The following DECR1 variants were observed in gnomAD, a reference collection of about 807,000 sequenced individuals.
The protein encoded by DECR1 is 2,4-dienoyl-CoA reductase [(3E)-enoyl-CoA-producing], mitochondrial.
Under a neutral mutation model 38.8 loss-of-function variants are expected in DECR1, and 44 were observed. That is an observed-to-expected ratio of 1.13 (90% CI 0.89 to 1.46). The LOEUF is 1.46. Ranked by LOEUF, DECR1 falls within the 40% of genes most tolerant of loss-of-function variation. The pLI, the probability that DECR1 is intolerant of heterozygous loss-of-function variation, is 0.00. For synonymous variants in DECR1, 148 were observed against 135.2 expected (o/e 1.09, Z -0.66); for missense variants, 428 against 405.5 (o/e 1.06, Z -0.48).
chr8:90,011,740 G>A (rs1405155093), intron 1 of DECR1, among the ~76,000 whole-genome samples: 6 of 152,188 alleles, frequency 3.9e-5, no homozygotes, highest in Middle Eastern at 3.4e-3. Flanking sequence ...TCATCTTAAT[G>A]TATATCTTTG....
rs952873871 is a variant in DECR1 at position 90,051,958 on chromosome 8, T to G, written c.*61T>G. On this transcript the variant is annotated 3_prime_UTR_variant, in exon 10 of 10. Coordinates refer to ENST00000220764, the MANE Select transcript of DECR1 (RefSeq NM_001359.2). ...GAATAGAAATGAAACAAATTATCTCTCATCTTTTGACTATTTCAAGTCTAA... is the reference window on the plus strand; with the variant it reads ...GAATAGAAATGAAACAAATTATCTCGCATCTTTTGACTATTTCAAGTCTAA... The G allele has an allele frequency of 2.1e-6, 3 of 1,407,190 alleles. No individual in the cohort carries two copies. Among genetic ancestry groups the G allele is most frequent in the South Asian group, 1.2e-5 (1 of 84,454 alleles). 87.2% of individuals were successfully genotyped at this position (1,407,190 alleles called of 1,614,324 possible). A position where few individuals can be genotyped will look rare whatever the true frequency, so the allele number is the denominator to read the frequency against.
chr8:90,053,416 A>G lies in DECR1; in HGVS notation c.*1519A>G, dbSNP rs1259237277. ...TCAGATCTCGTGAGACTTATTCACT[A>G]TCACACTATTGTGTTGATATTGTGT... On this transcript the variant is annotated 3_prime_UTR_variant, in exon 10 of 10. Coordinates refer to ENST00000220764, the MANE Select transcript of DECR1 (RefSeq NM_001359.2). Among the ~76,000 whole-genome samples, 1 of 152,194 alleles carries G rather than the reference A, an allele frequency of 6.6e-6. No individual in the cohort carries two copies. Among genetic ancestry groups the G allele is most frequent in the Non-Finnish European group, 1.5e-5 (1 of 68,032 alleles).
At chr8:90,009,410 A>G (rs1812827561) in intron 1 of DECR1, among the ~76,000 whole-genome samples, 2 of 152,072 alleles carry the variant, frequency 1.3e-5, no homozygotes, top group Non-Finnish European at 2.9e-5. Flanking sequence ...CCCACACTAC[A>G]TATCAACTTT....
Position 90,020,975 on chromosome 8 carries a change from A to T in DECR1, c.484A>T (p.Lys162Ter). The change falls in exon 5 of 10, where the codon AAA becomes TAA. Residue 162 changes from lysine to a stop codon, truncating the protein, a stop_gained. Transcript: ENST00000220764. LOFTEE classifies it high-confidence loss of function. Reference protein sequence around the residue: ...PTERLSPNAWKTITDIVLNGT... With the variant: ...PTERLSPNAW The stretch of plus-strand genomic sequence containing the variant: ...TGAAAGACTTTCTCCTAATGCTTGG[A>T]AAACCATAACTGACATAGTTCTAAA... The T allele has an allele frequency of 6.3e-7, 1 of 1,596,590 alleles. No homozygotes were observed. Among genetic ancestry groups the T allele is most frequent in the Non-Finnish European group, 8.5e-7 (1 of 1,173,220 alleles).
chr8:90,045,913 G>A (rs1461173003), intron 8 of DECR1, among the ~76,000 whole-genome samples: 1 of 152,200 alleles, frequency 6.6e-6, no homozygotes, highest in African/African-American at 2.4e-5. Context: ...GTGATACCCA[G>A]GCAAACAGTG....
chr8:90,036,488 T>C (rs1369295486), intron 5 of DECR1, among the ~76,000 whole-genome samples: 1 of 152,204 alleles, frequency 6.6e-6, no homozygotes, highest in East Asian at 1.9e-4. Context: ...AGTTTAAGTT[T>C]AATTCTGATT....
At chr8:90,009,969 T>C (rs905259139) in intron 1 of DECR1, among the ~76,000 whole-genome samples, 1 of 152,246 alleles carries the variant, frequency 6.6e-6, no homozygotes, top group Non-Finnish European at 1.5e-5. Context: ...TGTTCACTGA[T>C]ACAAAATGTA....
At chr8:90,003,882 T>C (rs1304079334) in intron 1 of DECR1, among the ~76,000 whole-genome samples, 1 of 151,806 alleles carries the variant, frequency 6.6e-6, no homozygotes, top group African/African-American at 2.4e-5. Context: ...GAGGTTGCAG[T>C]GAGCTGAGGT....
At chr8:90,038,291 T>C (rs996954475) in intron 6 of DECR1, among the ~76,000 whole-genome samples, 2 of 152,166 alleles carry the variant, frequency 1.3e-5, no homozygotes, top group Non-Finnish European at 2.9e-5. Flanking sequence ...TGTGATGTTT[T>C]GCTTACTTCC....
At chr8:90,046,855 T>C (rs2189618) in intron 8 of DECR1, among the ~76,000 whole-genome samples, 77,452 of 152,086 alleles carry the variant, frequency 0.51, 22,062 homozygotes, top group African/African-American at 0.77. Context: ...AAACTACAAG[T>C]CAGAAGAAAG....
rs1813033872 is a variant in DECR1, at chr8:90,017,335, C to T, written c.272+9C>T. On this transcript the variant is annotated intron_variant, in intron 2 of 9. Coordinates refer to ENST00000220764, the MANE Select transcript of DECR1 (RefSeq NM_001359.2). ...TGCGTGATAGCCAGCCGGTAAGTCC[C>T]TTACATCAAGCCTATTGGCGACGCT... 6.2e-7 allele frequency: 1 copy of T among 1,611,118 alleles called. No homozygotes were observed. The highest frequency in any genetic ancestry group is 1.7e-5 in the Admixed American group (1 of 59,510).
At chr8:90,013,753 T>C (rs1812944021) in intron 1 of DECR1, among the ~76,000 whole-genome samples, 1 of 152,218 alleles carries the variant, frequency 6.6e-6, no homozygotes, top group African/African-American at 2.4e-5. Flanking sequence ...CTACTGTTAT[T>C]TGAGATATTT....
At chr8:90,041,695 C>G (rs902328508) in intron 6 of DECR1, among the ~76,000 whole-genome samples, 1 of 152,080 alleles carries the variant, frequency 6.6e-6, no homozygotes, top group Admixed American at 6.6e-5. Context: ...ATTAGGCTTA[C>G]CTTTTTTGTA....
intron 5 of DECR1, among the ~76,000 whole-genome samples, chr8:90,024,474 A>G (rs975171518): frequency 2.6e-5 from 4 of 152,124 alleles, no homozygotes; most frequent in African/African-American, 7.2e-5. Context: ...GCCAGTGATG[A>G]TGAGCATTTT....
At chr8:90,010,227 T>A (rs1016947292) in intron 1 of DECR1, among the ~76,000 whole-genome samples, 4 of 152,142 alleles carry the variant, frequency 2.6e-5, no homozygotes, top group African/African-American at 9.7e-5. Flanking sequence ...GGAGCATGAG[T>A]TAACGAGGCC....
intron 1 of DECR1, among the ~76,000 whole-genome samples, chr8:90,015,848 C>G (rs781685745): frequency 6.6e-6 from 1 of 152,138 alleles, no homozygotes; most frequent in Non-Finnish European, 1.5e-5. Context: ...CTTGGTTCTG[C>G]AACTTTGGCA....
intron 1 of DECR1, among the ~76,000 whole-genome samples, chr8:90,013,864 C>T (rs1437373057): frequency 6.6e-6 from 1 of 152,138 alleles, no homozygotes; most frequent in African/African-American, 2.4e-5. Context: ...GCAGTGTCAA[C>T]TCTCAGAACT....
At position 90,051,976 on chromosome 8, in the gene DECR1, A is replaced by G. The variant is rs1814110707; in HGVS notation, c.*79A>G. The G allele has an allele frequency of 1.6e-6, 2 of 1,264,120 alleles. No homozygotes were observed. The highest frequency in any genetic ancestry group is 1.9e-4 in the Middle Eastern group (1 of 5,242). The allele number at this position is 1,264,120 out of a possible 1,614,324, so 78.3% of individuals were successfully genotyped here. On this transcript the variant is annotated 3_prime_UTR_variant, in exon 10 of 10. Transcript: ENST00000220764. The stretch of plus-strand genomic sequence containing the variant: ...TTATCTCTCATCTTTTGACTATTTC[A>G]AGTCTAATAAATTCTTAATTAACAA...
chr8:90,036,518 C>T (rs1196341697), intron 5 of DECR1, among the ~76,000 whole-genome samples: 1 of 152,132 alleles, frequency 6.6e-6, no homozygotes, highest in African/African-American at 2.4e-5. Context: ...TCAAGTAGTA[C>T]TTAGTTAATG....
Sources: gnomAD v4.1 joint callset for allele counts (sites outside exome capture counted in the v4.1 genomes callset) on GRCh38, gnomAD v4.1.1 for gene constraint, MANE v1.5 for transcripts, NCBI Gene and HGNC (gene_info 2026-07-23, HGNC 2026-07-21) for gene names.